TTC28: variants seen among roughly 807,000 people sequenced by gnomAD.
The protein encoded by TTC28 is tetratricopeptide repeat domain 28, also known as tetratricopeptide repeat protein 28.
Under a neutral mutation model 198.0 loss-of-function variants are expected in TTC28, and 61 were observed. That is an observed-to-expected ratio of 0.31 (90% CI 0.25 to 0.38). The LOEUF (loss-of-function observed/expected upper bound fraction) is 0.38. TTC28 is among the 10% of genes least tolerant of loss of function. The pLI is 1.00. For missense variants in TTC28, 2,678 were observed against 3,164.0 expected (o/e 0.85, Z 3.69); for synonymous variants, 1,171 against 1,297.8 (o/e 0.90, Z 2.10).
intron 5 of TTC28, among the ~76,000 whole-genome samples, chr22:28,215,788 A>G (rs562574141): frequency 6.6e-6 from 1 of 152,322 alleles, no homozygotes; most frequent in South Asian, 2.1e-4. Context: ...CAATCAAATG[A>G]AATAAGCATG....
chr22:28,178,094 A>G (rs1202678490), intron 5 of TTC28, among the ~76,000 whole-genome samples: 1 of 152,122 alleles, frequency 6.6e-6, no homozygotes, highest in African/African-American at 2.4e-5. Flanking sequence ...ACTGGGGGAG[A>G]GAGAAAGGGT....
intron 2 of TTC28, among the ~76,000 whole-genome samples, chr22:28,610,975 G>T (rs995678462): frequency 6.6e-6 from 1 of 152,022 alleles, no homozygotes; most frequent in Non-Finnish European, 1.5e-5. Context: ...AAATATCAGA[G>T]ATGGAAGATC....
intron 5 of TTC28, among the ~76,000 whole-genome samples, chr22:28,204,425 C>T (rs1195910285): frequency 1.3e-5 from 2 of 152,172 alleles, no homozygotes; most frequent in Non-Finnish European, 1.5e-5. Context: ...TGGTCCTTTA[C>T]ATGCAGTAGT....
chr22:28,604,297 T>TTATATATATATA (rs35077140), intron 2 of TTC28, among the ~76,000 whole-genome samples: 122 of 114,106 alleles, frequency 1.1e-3, no homozygotes, highest in East Asian at 2.0e-3. Flanking sequence ...AAAAAAAAAA[T>TTATATATATATA]TATATATATA....
At chr22:28,097,178 A>G (rs1942004398) in intron 10 of TTC28, among the ~76,000 whole-genome samples, 3 of 152,128 alleles carry the variant, frequency 2.0e-5, no homozygotes, top group Admixed American at 2.0e-4. Context: ...CCCTTTAAGC[A>G]TGCCAGTCCC....
At chr22:28,546,572 G>A (rs916286689) in intron 2 of TTC28, among the ~76,000 whole-genome samples, 32 of 152,164 alleles carry the variant, frequency 2.1e-4, no homozygotes, top group African/African-American at 7.7e-4. Flanking sequence ...AAACAATACT[G>A]TAGTTTCCTT....
intron 2 of TTC28, among the ~76,000 whole-genome samples, chr22:28,390,804 C>T (rs1004770883): frequency 2.2e-3 from 341 of 152,228 alleles, no homozygotes; most frequent in Admixed American, 4.3e-3. Flanking sequence ...TCCAATTTGC[C>T]AGTCTGTGTC....
Position 28,030,361 on chromosome 22 carries a change from C to G in TTC28, c.3938G>C (p.Cys1313Ser). ...LGVESHYSRA[C>S]ASSETESEAG... ...TTCACTCTCTGTCTCACTGCTGGCA[C>G]AGGCCCTGCAGGAAAAATTGCAGAA... Residue 1313 changes from cysteine to serine, a missense_variant, in exon 13 of 23, where the codon TGT becomes TCT. By Grantham distance (112) the Cys-to-Ser change is moderately radical (BLOSUM62 -1). Around this residue, in one of 8 missense-constraint regions of TTC28, gnomAD observed 727 missense variants for 861.9 expected, o/e 0.84. Coordinates refer to ENST00000397906, the MANE Select transcript of TTC28 (RefSeq NM_001145418.2). 6.4e-7 allele frequency: 1 copy of G among 1,551,744 alleles called. No individual in the cohort carries two copies. The highest frequency in any genetic ancestry group is 8.7e-7 in the Non-Finnish European group (1 of 1,146,982).
rs1386571339 is a variant in TTC28, at chr22:28,107,847, G to A, written c.1998C>T (p.Asp666=). 1 of 1,551,730 alleles carries A rather than the reference G, an allele frequency of 6.4e-7. No individual in the cohort carries two copies. The highest frequency in any genetic ancestry group is 8.7e-7 in the Non-Finnish European group (1 of 1,147,042). The stretch of plus-strand genomic sequence containing the variant: ...TTGCTTGGCTCAACTTGTCGTGAAG[G>A]TCTTTAGCCAGTGCCAGATCCTGTT... The part of the protein sequence containing the change: ...YYEQDLALAK[D]LHDKLSQAKA... The change falls in exon 7 of 23, where the codon GAC becomes GAT. Residue 666 remains aspartate, a synonymous_variant. Transcript: ENST00000397906.
intron 2 of TTC28, among the ~76,000 whole-genome samples, chr22:28,491,420 A>C (rs1345058274): frequency 1.3e-5 from 2 of 152,332 alleles, no homozygotes; most frequent in Admixed American, 6.5e-5. Flanking sequence ...CAAGAAAAAA[A>C]CAAACAACCC....
chr22:28,294,122 C>A (rs1375915232), intron 5 of TTC28, among the ~76,000 whole-genome samples: 32 of 152,164 alleles, frequency 2.1e-4, no homozygotes, highest in Admixed American at 2.0e-3. Context: ...ATTACTTATA[C>A]ATAAGGAGAA....
chr22:28,610,654 C>T (rs868088789), intron 2 of TTC28, among the ~76,000 whole-genome samples: 7 of 152,092 alleles, frequency 4.6e-5, no homozygotes, highest in South Asian at 2.1e-4. Context: ...AAAACCAGAA[C>T]GCCTCTTCTC....
chr22:28,585,894 T>A (rs1210391415), intron 2 of TTC28, among the ~76,000 whole-genome samples: 1 of 151,834 alleles, frequency 6.6e-6, no homozygotes, highest in Non-Finnish European at 1.5e-5. Flanking sequence ...GATTGATGGG[T>A]TCAGCAAACC....
At chr22:28,395,260 C>A (rs1011186238) in intron 2 of TTC28, among the ~76,000 whole-genome samples, 2 of 152,128 alleles carry the variant, frequency 1.3e-5, no homozygotes, top group Non-Finnish European at 2.9e-5. Context: ...AAAGAGAGAG[C>A]AAATTAATCT....
chr22:28,381,134 C>CAAA (rs981709849), intron 2 of TTC28, among the ~76,000 whole-genome samples: 2 of 108,652 alleles, frequency 1.8e-5, no homozygotes, highest in Non-Finnish European at 1.9e-5. Context: ...ATCACATTCT[C>CAAA]AAAAAAAAAA....
intron 20 of TTC28, 99 bp from the exon 21 acceptor site, chr22:27,990,106 C>T (rs1937347824): frequency 5.7e-6 from 8 of 1,402,324 alleles, no homozygotes; most frequent in East Asian, 2.5e-5. Context: ...TCACTGGCAT[C>T]GCTAATGACC....
intron 2 of TTC28, among the ~76,000 whole-genome samples, chr22:28,510,756 C>T (rs1469229582): frequency 6.6e-6 from 1 of 152,026 alleles, no homozygotes; most frequent in Non-Finnish European, 1.5e-5. Flanking sequence ...TCTAGAAAAC[C>T]CCACTGTCTC....
At chr22:28,543,435 A>C (rs766884306) in intron 2 of TTC28, among the ~76,000 whole-genome samples, 2 of 150,580 alleles carry the variant, frequency 1.3e-5, no homozygotes, top group Non-Finnish European at 3.0e-5. Flanking sequence ...AGGAGGAGGA[A>C]GAGGAGGAAG....
chr22:28,484,605 T>C (rs1224724359), intron 2 of TTC28, among the ~76,000 whole-genome samples: 1 of 152,180 alleles, frequency 6.6e-6, no homozygotes, highest in South Asian at 2.1e-4. Flanking sequence ...CCTCTATAAT[T>C]AGTCTCATTC....
Sources: allele counts gnomAD v4.1 joint callset (sites outside exome capture counted in the v4.1 genomes callset), GRCh38; gene constraint gnomAD v4.1.1; regional missense constraint gnomAD v4.1.1; transcripts MANE v1.5; gene names NCBI Gene and HGNC (gene_info 2026-07-23, HGNC 2026-07-21).